TMEM117: variants seen among roughly 807,000 people sequenced by gnomAD.
TMEM117 encodes transmembrane protein 117.
A neutral mutation model predicts 52.4 loss-of-function variants in TMEM117; 27 were observed. That is an observed-to-expected ratio of 0.51 (90% CI 0.38 to 0.71). The LOEUF (loss-of-function observed/expected upper bound fraction) is 0.71. Ranked by LOEUF, TMEM117 falls within the 30% of genes least tolerant of loss-of-function variation. TMEM117 has a pLI of 0.00. For missense variants in TMEM117, 556 were observed against 630.5 expected, an observed-to-expected ratio of 0.88 and a Z score of 1.26; for synonymous variants, 215 against 206.3, an observed-to-expected ratio of 1.04 and a Z score of -0.36.
At chr12:44,331,575 A>C (rs1951271229) in intron 6 of TMEM117, among the ~76,000 whole-genome samples, 1 of 152,088 alleles carries the variant, frequency 6.6e-6, no homozygotes, top group South Asian at 2.1e-4. Flanking sequence ...TAAGATAAGA[A>C]GGAACTGTTT....
chr12:43,986,484 A>AT (rs567047647), intron 3 of TMEM117, among the ~76,000 whole-genome samples: 6 of 151,988 alleles, frequency 3.9e-5, no homozygotes, highest in Non-Finnish European at 8.8e-5. Context: ...TGTCTTTATG[A>AT]TTTTTTTCCT....
intron 3 of TMEM117, among the ~76,000 whole-genome samples, chr12:44,065,136 G>C (rs1947202752): frequency 6.6e-6 from 1 of 152,152 alleles, no homozygotes; most frequent in African/African-American, 2.4e-5. Flanking sequence ...TGTAATCCCA[G>C]CACTTTGGGA....
At chr12:44,312,299 G>T (rs1371906961) in intron 6 of TMEM117, among the ~76,000 whole-genome samples, 1 of 151,804 alleles carries the variant, frequency 6.6e-6, no homozygotes, top group Non-Finnish European at 1.5e-5. Flanking sequence ...ATCTCTTGTT[G>T]CCATCTTTAT....
At chr12:44,218,657 C>T (rs1455399058) in intron 5 of TMEM117, among the ~76,000 whole-genome samples, 3 of 152,142 alleles carry the variant, frequency 2.0e-5, no homozygotes, top group Non-Finnish European at 4.4e-5. Flanking sequence ...CAAACAAGTC[C>T]AAATTGTTGC....
intron 1 of TMEM117, among the ~76,000 whole-genome samples, chr12:43,836,480 C>G (rs1051824591): frequency 6.6e-6 from 1 of 152,296 alleles, no homozygotes; most frequent in South Asian, 2.1e-4. Context: ...GCGAAAGGCT[C>G]TTGGTGGGAG....
chr12:44,060,092 T>G (rs1340678987), intron 3 of TMEM117, among the ~76,000 whole-genome samples: 1 of 152,194 alleles, frequency 6.6e-6, no homozygotes, highest in Non-Finnish European at 1.5e-5. Context: ...CTGGAAGAAT[T>G]TAACATGCAA....
chr12:43,800,511 T>A, the TMEM117 span: 1 of 1,613,738 alleles, frequency 6.2e-7, no homozygotes, highest in South Asian at 1.1e-5. Flanking sequence ...TGTTGCTGCA[T>A]ACAACATTTT....
chr12:44,128,403 G>C (rs1366079287), intron 3 of TMEM117, among the ~76,000 whole-genome samples: 1 of 152,130 alleles, frequency 6.6e-6, no homozygotes, highest in Non-Finnish European at 1.5e-5. Flanking sequence ...CTGTTGAATT[G>C]TTTGCAAGTC....
rs186298263 is a variant in TMEM117 at position 44,235,880 on chromosome 12, C to T, written c.608+24493C>T. On this transcript the variant is annotated intron_variant, in intron 5 of 7. Transcript: ENST00000266534. ...AGAATATTTTGCTGACTATAGTATT[C>T]TAACTTGAAATTCTTTTTTACATTA... 9.1e-4 allele frequency among the ~76,000 whole-genome samples: 138 copies of T among 151,876 alleles called. No individual in the cohort carries two copies. The Middle Eastern group carries it at 0.027, about 30-fold the overall frequency.
At chr12:43,802,249 C>T in the TMEM117 span, 1 of 1,368,190 alleles carries the variant, frequency 7.3e-7, no homozygotes, top group Non-Finnish European at 9.8e-7. Flanking sequence ...ATTTTTCTAG[C>T]ATTTAATGTT....
chr12:44,022,408 C>T (rs1242882044), intron 3 of TMEM117, among the ~76,000 whole-genome samples: 2 of 152,170 alleles, frequency 1.3e-5, no homozygotes, highest in African/African-American at 4.8e-5. Flanking sequence ...AAAGGGGAAC[C>T]TTTTTGAACT....
At chr12:43,952,052 A>C (rs1473874109) in intron 3 of TMEM117, among the ~76,000 whole-genome samples, 1 of 149,040 alleles carries the variant, frequency 6.7e-6, no homozygotes, top group African/African-American at 2.4e-5. Flanking sequence ...GAGGGGCCTG[A>C]CTGTTAGAAG....
chr12:43,846,340 C>T (rs1043426713), intron 2 of TMEM117, among the ~76,000 whole-genome samples: 4 of 152,048 alleles, frequency 2.6e-5, no homozygotes, highest in South Asian at 4.1e-4. Flanking sequence ...TGTTATGATG[C>T]GTTTGTCTCT....
At chr12:44,052,579 C>T (rs1199530991) in intron 3 of TMEM117, among the ~76,000 whole-genome samples, 1 of 152,146 alleles carries the variant, frequency 6.6e-6, no homozygotes, top group East Asian at 1.9e-4. Context: ...ACCTCTTTGG[C>T]TGGTCACTTA....
chr12:44,187,093 T>C (rs1254866228), intron 4 of TMEM117, among the ~76,000 whole-genome samples: 1 of 152,158 alleles, frequency 6.6e-6, no homozygotes, highest in African/African-American at 2.4e-5. Context: ...AGTTTTCTAC[T>C]ACGTATTAGT....
chr12:44,214,126 ATTTTTTTTTTAATTTTTTTTTTT>A (rs1225522685), intron 5 of TMEM117, among the ~76,000 whole-genome samples: 2 of 138,664 alleles, frequency 1.4e-5, no homozygotes, highest in Non-Finnish European at 3.1e-5. Flanking sequence ...TGTCTTACAA[ATTTTTTTTTTAATTTTTTTTTTT>A]TTTTTTTTTT....
intron 7 of TMEM117, among the ~76,000 whole-genome samples, chr12:44,379,865 G>A (rs1362900783): frequency 6.6e-6 from 1 of 152,050 alleles, no homozygotes; most frequent in Non-Finnish European, 1.5e-5. Context: ...TCACCACTGG[G>A]GTTATTAAGC....
chr12:44,343,204 T>G (rs1951440554), intron 6 of TMEM117, among the ~76,000 whole-genome samples: 1 of 151,954 alleles, frequency 6.6e-6, no homozygotes, highest in South Asian at 2.1e-4. Context: ...CTGCCCACCT[T>G]GGCCTCCCAA....
chr12:43,836,814 A>T (rs886861551), intron 1 of TMEM117, among the ~76,000 whole-genome samples: 5 of 151,278 alleles, frequency 3.3e-5, no homozygotes, highest in African/African-American at 1.2e-4. Flanking sequence ...TGCGTGTGTG[A>T]GAGAGAGAGA....
Sources: gnomAD v4.1 joint callset for allele counts (sites outside exome capture counted in the v4.1 genomes callset) on GRCh38, gnomAD v4.1.1 for gene constraint, MANE v1.5 for transcripts, NCBI Gene and HGNC (gene_info 2026-07-23, HGNC 2026-07-21) for gene names.